Variants in PITPNA observed in about 807,000 individuals in gnomAD.
PITPNA encodes the protein phosphatidylinositol transfer protein alpha, also known as phosphatidylinositol transfer protein alpha isoform.
A neutral mutation model predicts 50.3 loss-of-function variants in PITPNA; 13 were observed. The ratio of observed to expected loss-of-function variants is 0.26; its 90% CI spans 0.17 to 0.41. The LOEUF is 0.41. Among genes scored for constraint, PITPNA ranks in the 10% least tolerant of loss-of-function variants. PITPNA has a pLI of 1.00. For missense variants in PITPNA, 207 were observed against 333.4 expected, an observed-to-expected ratio of 0.62 and a Z score of 2.95; for synonymous variants, 120 against 119.6, an observed-to-expected ratio of 1.00 and a Z score of -0.02.
At chr17:1,547,095 C>T (rs113723279) in intron 4 of PITPNA, among the ~76,000 whole-genome samples, 14,241 of 151,582 alleles carry the variant, frequency 0.094, 835 homozygotes, top group East Asian at 0.14. Flanking sequence ...CACAGTGGCT[C>T]ATGCCTGTAA....
At chr17:1,535,756 C>T (rs1429264464) in intron 7 of PITPNA, 1 of 538,834 alleles carries the variant, frequency 1.9e-6, no homozygotes, top group East Asian at 3.3e-5. Context: ...GAAAGTATCA[C>T]CAGACTGTCT....
At chr17:1,547,140 G>A (rs922916353) in intron 4 of PITPNA, among the ~76,000 whole-genome samples, 2 of 148,212 alleles carry the variant, frequency 1.3e-5, no homozygotes, top group South Asian at 2.1e-4. Flanking sequence ...TGGGAGGATC[G>A]CTTGAGCCCA....
Position 1,518,691 on chromosome 17 carries a change from T to G in PITPNA, c.*1870A>C, listed in dbSNP as rs1350242976. 6.6e-6 allele frequency: 1 copy of G among 152,278 alleles called. No homozygotes were observed. Among genetic ancestry groups the G allele is most frequent in the Non-Finnish European group, 1.5e-5 (1 of 68,042 alleles). The allele number at this position is 152,278 out of a possible 1,614,324, so 9.4% of individuals were successfully genotyped here. A position where few individuals can be genotyped will look rare whatever the true frequency, so the allele number is the denominator to read the frequency against. On this transcript the variant is annotated 3_prime_UTR_variant, in exon 12 of 12. Coordinates refer to ENST00000313486, the MANE Select transcript of PITPNA (RefSeq NM_006224.4). ...CTGACCCTCAGACCACATAGACAAC[T>G]GTCTGCCTAGAATGTCAGTTTGTTT...
chr17:1,546,986 T>C (rs1371119183), intron 4 of PITPNA, among the ~76,000 whole-genome samples: 2 of 152,128 alleles, frequency 1.3e-5, no homozygotes, highest in Admixed American at 6.6e-5. Context: ...TATGCAGCTA[T>C]TATAAATTAA....
chr17:1,555,004 G>A (rs1268474031), intron 2 of PITPNA, among the ~76,000 whole-genome samples: 1 of 152,188 alleles, frequency 6.6e-6, no homozygotes, highest in Non-Finnish European at 1.5e-5. Flanking sequence ...CGTCAGGTGG[G>A]TCAGGGCTTG....
At chr17:1,525,593 A>G (rs1372081811) in intron 10 of PITPNA, among the ~76,000 whole-genome samples, 1 of 139,940 alleles carries the variant, frequency 7.1e-6, no homozygotes, top group East Asian at 2.1e-4. Context: ...ATCTTGGCTC[A>G]CTGCACCCTC....
At chr17:1,548,622 C>T (rs996776164) in intron 3 of PITPNA, among the ~76,000 whole-genome samples, 10 of 152,152 alleles carry the variant, frequency 6.6e-5, no homozygotes, top group East Asian at 1.9e-4. Flanking sequence ...ACACAAGAGA[C>T]CCCAGGCTAC....
intron 3 of PITPNA, 45 bp downstream of exon 3, chr17:1,552,959 C>T: frequency 3.7e-6 from 6 of 1,603,730 alleles, no homozygotes; most frequent in East Asian, 2.2e-5. Flanking sequence ...CTCATTCACA[C>T]ACACACAAAA....
At chr17:1,541,543 G>A (rs2075647926) in intron 6 of PITPNA, 23 bp downstream of exon 6, 1 of 1,574,892 alleles carries the variant, frequency 6.3e-7, no homozygotes, top group Non-Finnish European at 8.7e-7. Flanking sequence ...TCACCCCTGG[G>A]GCTTTTGGGA....
intron 10 of PITPNA, among the ~76,000 whole-genome samples, chr17:1,531,664 T>TA (rs199730399): frequency 5.0e-4 from 73 of 145,262 alleles, no homozygotes; most frequent in Non-Finnish European, 8.0e-4. Context: ...CCTCACCTCT[T>TA]AAAAAAAAAA....
At chr17:1,524,890 A>C (rs1567574889) in intron 10 of PITPNA, among the ~76,000 whole-genome samples, 1 of 152,120 alleles carries the variant, frequency 6.6e-6, no homozygotes, top group Non-Finnish European at 1.5e-5. Context: ...TTAGCAGAGC[A>C]GAGTGCCTGA....
intron 7 of PITPNA, among the ~76,000 whole-genome samples, chr17:1,536,328 G>GCA (rs1567579869): frequency 2.0e-4 from 30 of 149,856 alleles, no homozygotes; most frequent in Non-Finnish European, 7.4e-5. Flanking sequence ...CGCTCTGTTG[G>GCA]CCAGGCTGGA....
chr17:1,549,884 A>G (rs2151011996), intron 3 of PITPNA, among the ~76,000 whole-genome samples: 1 of 152,122 alleles, frequency 6.6e-6, no homozygotes, highest in Non-Finnish European at 1.5e-5. Context: ...CATGTAGGCC[A>G]GGCTGGTCTC....
chr17:1,539,741 TTGTC>T (rs1176711853), intron 6 of PITPNA, among the ~76,000 whole-genome samples: 3 of 152,264 alleles, frequency 2.0e-5, no homozygotes, highest in South Asian at 2.1e-4. Flanking sequence ...CCCAGCTGGA[TTGTC>T]TGTTTGTCTG....
chr17:1,544,840 A>G (rs1395960402), intron 4 of PITPNA, among the ~76,000 whole-genome samples: 1 of 152,158 alleles, frequency 6.6e-6, no homozygotes, highest in South Asian at 2.1e-4. Context: ...GTACCCACAC[A>G]TGGAGGCTGA....
intron 1 of PITPNA, among the ~76,000 whole-genome samples, chr17:1,560,656 T>C (rs1172294577): frequency 6.6e-6 from 1 of 152,176 alleles, no homozygotes; most frequent in Non-Finnish European, 1.5e-5. Context: ...CTAGGGTTCA[T>C]TTGGGAACAG....
intron 4 of PITPNA, among the ~76,000 whole-genome samples, chr17:1,543,788 C>A (rs2075659816): frequency 6.6e-6 from 1 of 152,076 alleles, no homozygotes; most frequent in Non-Finnish European, 1.5e-5. Flanking sequence ...CAGAAATAAC[C>A]CAAAAGACTG....
At chr17:1,538,836 C>T (rs1366293060) in intron 7 of PITPNA, 33 bp downstream of exon 7, 8 of 1,436,244 alleles carry the variant, frequency 5.6e-6, no homozygotes, top group Admixed American at 1.7e-5. Context: ...TTCTGCGTCT[C>T]GAAGGCCACC....
chr17:1,536,736 G>T (rs1367125626), intron 7 of PITPNA, among the ~76,000 whole-genome samples: 1 of 151,410 alleles, frequency 6.6e-6, no homozygotes, highest in Non-Finnish European at 1.5e-5. Flanking sequence ...TGGCATTACA[G>T]GCGCCTGCGA....
Sources: allele counts gnomAD v4.1 joint callset (sites outside exome capture counted in the v4.1 genomes callset), GRCh38; gene constraint gnomAD v4.1.1; transcripts MANE v1.5; gene names NCBI Gene and HGNC (gene_info 2026-07-23, HGNC 2026-07-21).